Variants in PHACTR2 observed in about 807,000 individuals in gnomAD.
PHACTR2 encodes the protein phosphatase and actin regulator 2, also known as chromosome 6 open reading frame 56.
Under a neutral mutation model 76.0 loss-of-function variants are expected in PHACTR2, and 30 were observed. That is an observed-to-expected ratio of 0.39 (90% CI 0.30 to 0.54). The LOEUF is 0.54. Among genes scored for constraint, PHACTR2 ranks in the 20% least tolerant of loss-of-function variants. The probability of loss-of-function intolerance (pLI) is 0.61; values close to 1 mark genes in which losing one functional copy is unlikely to be tolerated. For synonymous variants in PHACTR2, 292 were observed against 292.5 expected (o/e 1.00, Z 0.02); for missense variants, 696 against 781.1 (o/e 0.89, Z 1.30).
rs903900795 is a variant in PHACTR2 at position 143,554,067 on chromosome 6, G to A, written c.217+16860G>A. Among the ~76,000 whole-genome samples the A allele has an allele frequency of 2.0e-5, 3 of 152,096 alleles. No individual in the cohort carries two copies. The East Asian group carries it at 5.8e-4, about 29-fold the overall frequency. On this transcript the variant is annotated intron_variant, in intron 1 of 11. Transcript: ENST00000367584. The surrounding 1 kb of genome is among the most constrained non-coding windows in gnomAD (Gnocchi z 5.9). ...TGGGGATCCAGTGGCGGGGGCGCTG[G>A]GCAGAGGGGCATCATGTTTTTTGAT...
At chr6:143,711,759 C>T in intron 1 of PHACTR2, 3 of 659,544 alleles carry the variant, frequency 4.5e-6, no homozygotes, top group Non-Finnish European at 8.5e-6. Flanking sequence ...ACTCATTTGT[C>T]TGGCCCCATC....
rs1005246232 is a variant in PHACTR2 at position 143,671,921 on chromosome 6, A to G, written c.14-40095A>G. ...AAAAAGGAACAAAATACAGATACAC[A>G]GAGCAACATGGATGAATATCAAAAA... On this transcript the variant is annotated intron_variant, in intron 1 of 11. Coordinates refer to the PHACTR2 transcript ENST00000305766. The surrounding 1 kb of genome is among the most constrained non-coding windows in gnomAD (Gnocchi z 4.6). 1.3e-5 allele frequency among the ~76,000 whole-genome samples: 2 copies of G among 152,334 alleles called. No individual in the cohort carries two copies. The highest frequency in any genetic ancestry group is 3.4e-3 in the Middle Eastern group (1 of 294).
Position 143,688,004 on chromosome 6 carries a change from A to G in PHACTR2, c.46+9795A>G, listed in dbSNP as rs1777559701. ...ACCCTGCCCACAAAGCGTCCAGTCT[A>G]GAAGATGCTTAGTGAAAATGTGCAG... On this transcript the variant is annotated intron_variant, in intron 1 of 12. Coordinates refer to ENST00000440869, the MANE Select transcript of PHACTR2 (RefSeq NM_001100164.2). The surrounding 1 kb of genome is among the most constrained non-coding windows in gnomAD (Gnocchi z 5.2). Among the ~76,000 whole-genome samples, 1 of 152,184 alleles carries G rather than the reference A, an allele frequency of 6.6e-6. No individual in the cohort carries two copies.
chr6:143,588,025 A>AAATAAAATAAAATAAAATAAAATAT (rs1775648361), intron 1 of PHACTR2, among the ~76,000 whole-genome samples: 1 of 149,704 alleles, frequency 6.7e-6, no homozygotes, highest in Non-Finnish European at 1.5e-5. Flanking sequence ...AAATAAAATA[A>AAATAAAATAAAATAAAATAAAATAT]AATAAAATAA....
chr6:143,745,696 A>G (rs1779044632), intron 2 of PHACTR2, among the ~76,000 whole-genome samples: 2 of 150,136 alleles, frequency 1.3e-5, no homozygotes, highest in Admixed American at 1.3e-4. Flanking sequence ...CCCCAGCAAC[A>G]TACTTTCCGT....
At position 143,610,502 on chromosome 6, in the gene PHACTR2, C is replaced by T. The variant is rs1383939827; in HGVS notation, c.13+2180C>T. Among the ~76,000 whole-genome samples the T allele has an allele frequency of 2.0e-5, 3 of 152,210 alleles. No homozygotes were observed. Among genetic ancestry groups the T allele is most frequent in the African/African-American group, 7.2e-5 (3 of 41,444 alleles). On this transcript the variant is annotated intron_variant, in intron 1 of 11. Coordinates refer to the PHACTR2 transcript ENST00000305766. The surrounding 1 kb of genome is among the most constrained non-coding windows in gnomAD (Gnocchi z 4.9). ...CCAGACCTTCTTCTAGCAAGGCTTT[C>T]TGTGTGGGAGTTTGGATAATTGACA...
Position 143,562,020 on chromosome 6 carries a change from G to A in PHACTR2, c.217+24813G>A, listed in dbSNP as rs1775285438. 1 of 152,188 alleles carries A rather than the reference G, an allele frequency of 6.6e-6. No individual in the cohort carries two copies. The highest frequency in any genetic ancestry group is 6.5e-5 in the Admixed American group (1 of 15,270). The allele number at this position is 152,188 out of a possible 1,614,324, so 9.4% of individuals were successfully genotyped here. Reference sequence around the variant, plus strand: ...AGGGCCTCCTGTCTCTTCTTCATCTGACGCAGAGCTTCTGCTCATTCTTCA... The same window carrying A: ...AGGGCCTCCTGTCTCTTCTTCATCTAACGCAGAGCTTCTGCTCATTCTTCA... On this transcript the variant is annotated intron_variant, in intron 1 of 11. Transcript: ENST00000367584. This position sits in a 1 kb window ranked among gnomAD's most constrained non-coding sequence, Gnocchi z 5.1.
At chr6:143,788,154 A>C (rs570058699) in intron 10 of PHACTR2, among the ~76,000 whole-genome samples, 2 of 152,226 alleles carry the variant, frequency 1.3e-5, no homozygotes, top group South Asian at 4.1e-4. Flanking sequence ...TGATGGCCTC[A>C]AGGAAGTACA....
intron 1 of PHACTR2, among the ~76,000 whole-genome samples, chr6:143,630,016 G>A (rs1776334385): frequency 6.6e-6 from 1 of 151,918 alleles, no homozygotes; most frequent in African/African-American, 2.4e-5. Flanking sequence ...TCTTCTTGTG[G>A]TTCACAGTTC....
At chr6:143,600,685 T>A (rs1046872440) in intron 1 of PHACTR2, among the ~76,000 whole-genome samples, 1 of 152,250 alleles carries the variant, frequency 6.6e-6, no homozygotes, top group Non-Finnish European at 1.5e-5. Flanking sequence ...AATTCTACCA[T>A]GTTTATTTTC....
Position 143,672,059 on chromosome 6 carries a change from G to A in PHACTR2, c.14-39957G>A, listed in dbSNP as rs1777162551. Among the ~76,000 whole-genome samples, 1 of 152,154 alleles carries A rather than the reference G, an allele frequency of 6.6e-6. No individual in the cohort carries two copies. The highest frequency in any genetic ancestry group is 2.1e-4 in the South Asian group (1 of 4,832). ...GAAAGCAGGTTGGCAGTTCCCTAATGCCAAGGGTGGTACAGGGATGTGAAA... is the reference window on the plus strand; with the variant it reads ...GAAAGCAGGTTGGCAGTTCCCTAATACCAAGGGTGGTACAGGGATGTGAAA... On this transcript the variant is annotated intron_variant, in intron 1 of 11. Coordinates refer to the PHACTR2 transcript ENST00000305766. The surrounding 1 kb of genome is among the most constrained non-coding windows in gnomAD (Gnocchi z 5.8).
chr6:143,765,722 T>C lies in PHACTR2; in HGVS notation c.1156T>C (p.Trp386Arg). 1 of 1,614,176 alleles carries C rather than the reference T, an allele frequency of 6.2e-7. No homozygotes were observed. The highest frequency in any genetic ancestry group is 1.6e-4 in the Middle Eastern group (1 of 6,062). ...VSALDPSQLL[W>R]AEEPTNRTTL... is the part of the protein sequence containing the mutation. Reference sequence around the variant, plus strand: ...TGCCTTAGACCCAAGTCAGCTTCTTTGGGCTGAAGAGCCGACGAACAGAAC... The same window carrying C: ...TGCCTTAGACCCAAGTCAGCTTCTTCGGGCTGAAGAGCCGACGAACAGAAC... The change falls in exon 6 of 13, where the codon TGG (tryptophan) becomes CGG (arginine). Residue 386 changes from tryptophan (W) to arginine (R), a missense_variant. Coordinates refer to ENST00000440869, the MANE Select transcript of PHACTR2 (RefSeq NM_001100164.2). The surrounding 1 kb of genome is among the most constrained non-coding windows in gnomAD (Gnocchi z 4.1).
At chr6:143,718,974 C>T (rs892182220) in intron 2 of PHACTR2, among the ~76,000 whole-genome samples, 4 of 150,990 alleles carry the variant, frequency 2.6e-5, no homozygotes, top group African/African-American at 4.9e-5. Flanking sequence ...CCTCTGCCTC[C>T]TGAGTTCAAG....
intron 1 of PHACTR2, among the ~76,000 whole-genome samples, chr6:143,600,798 C>G (rs1308809701): frequency 6.6e-6 from 1 of 152,174 alleles, no homozygotes; most frequent in Non-Finnish European, 1.5e-5. Context: ...TTTCATTAGT[C>G]AAATTGAGAC....
At chr6:143,661,683 G>A (rs887800160) in intron 1 of PHACTR2, among the ~76,000 whole-genome samples, 1 of 151,414 alleles carries the variant, frequency 6.6e-6, no homozygotes, top group African/African-American at 2.4e-5. Flanking sequence ...AACCTCCCAA[G>A]TAGCTGGGAC....
rs558042991 is a variant in PHACTR2, at chr6:143,539,882, C to A, written c.217+2675C>A. On this transcript the variant is annotated intron_variant, in intron 1 of 11. Transcript: ENST00000367584. The surrounding 1 kb of genome is among the most constrained non-coding windows in gnomAD (Gnocchi z 4.3). The stretch of plus-strand genomic sequence containing the variant: ...ACGTAGGAATTGCTTGGGGAGTTAA[C>A]AACGAAGCAACCTGTGGCTGGGTCG... 6.6e-6 allele frequency among the ~76,000 whole-genome samples: 1 copy of A among 152,190 alleles called. No individual in the cohort carries two copies. The highest frequency in any genetic ancestry group is 1.5e-5 in the Non-Finnish European group (1 of 68,026).
upstream of PHACTR2, among the ~76,000 whole-genome samples, chr6:143,607,213 C>T (rs1005673269): frequency 6.6e-6 from 1 of 152,182 alleles, no homozygotes; most frequent in Non-Finnish European, 1.5e-5. Context: ...GAGAGCCTAA[C>T]TATACTGTGG....
chr6:143,549,136 T>C lies in PHACTR2; in HGVS notation c.217+11929T>C, dbSNP rs569672150. On this transcript the variant is annotated intron_variant, in intron 1 of 11. Transcript: ENST00000367584. This position sits in a 1 kb window ranked among gnomAD's most constrained non-coding sequence, Gnocchi z 4.2. ...TAGGGTGCACATTTCCACAGAGCTG[T>C]CTGGGCCCCTTTGGTTTCCATTCAA... 1.3e-5 allele frequency among the ~76,000 whole-genome samples: 2 copies of C among 152,130 alleles called. No homozygotes were observed. The highest frequency in any genetic ancestry group is 3.9e-4 in the East Asian group (2 of 5,172).
At position 143,654,086 on chromosome 6, in the gene PHACTR2, A is replaced by T. The variant is rs910661684; in HGVS notation, c.13+45764A>T. On this transcript the variant is annotated intron_variant, in intron 1 of 11. Coordinates refer to the PHACTR2 transcript ENST00000305766. The surrounding 1 kb of genome is among the most constrained non-coding windows in gnomAD (Gnocchi z 4.6). ...ACATTTCTCCAAAGAAGATATTCAG[A>T]TATCTAATAAACACATGAAAAGATG... is the stretch of plus-strand genomic sequence containing the variant. Among the ~76,000 whole-genome samples, 1 of 152,200 alleles carries T rather than the reference A, an allele frequency of 6.6e-6. No individual in the cohort carries two copies. Among genetic ancestry groups the T allele is most frequent in the African/African-American group, 2.4e-5 (1 of 41,448 alleles).
Sources: gnomAD v4.1 joint callset for allele counts (sites outside exome capture counted in the v4.1 genomes callset) on GRCh38, gnomAD v4.1.1 for gene constraint, Gnocchi (gnomAD v3.1) non-coding constraint, MANE v1.5 for transcripts, NCBI Gene and HGNC (gene_info 2026-07-23, HGNC 2026-07-21) for gene names.